The following MALRD1 variants were observed in gnomAD, a reference collection of about 807,000 sequenced individuals.
MALRD1 encodes MAM and LDL receptor class A domain containing 1, also known as MAM and LDL-receptor class A domain-containing protein 1.
Under a neutral mutation model 242.1 loss-of-function variants are expected in MALRD1, and 247 were observed. The ratio of observed to expected loss-of-function variants is 1.02; its 90% CI spans 0.92 to 1.13. The LOEUF (loss-of-function observed/expected upper bound fraction) is 1.13. MALRD1 is among the 50% of genes most tolerant of loss of function. The pLI is 0.00. For synonymous variants in MALRD1, 995 were observed against 866.6 expected (o/e 1.15, Z -2.60); for missense variants, 2,989 against 2,533.1 (o/e 1.18, Z -3.86).
intron 31 of MALRD1, among the ~76,000 whole-genome samples, chr10:19,502,270 A>G (rs1407226768): frequency 6.6e-6 from 1 of 152,090 alleles, no homozygotes; most frequent in East Asian, 1.9e-4. Context: ...TTTAAAATAT[A>G]AATAAGCAGA....
chr10:19,193,841 A>T lies in MALRD1; in HGVS notation c.1952-9887A>T, dbSNP rs926718784. Among the ~76,000 whole-genome samples the T allele has an allele frequency of 1.7e-3, 261 of 149,742 alleles. 2 individuals carry two copies. The highest frequency in any genetic ancestry group is 1.8e-3 in the Non-Finnish European group (121 of 67,562). On this transcript the variant is annotated intron_variant, in intron 14 of 39. Transcript: ENST00000454679. ...CATTAGCTTAGTCTGGGGGAAAAAA[A>T]ATATATATATATATACACACACATA...
At chr10:19,291,900 C>G (rs1841446577) in intron 21 of MALRD1, among the ~76,000 whole-genome samples, 1 of 151,716 alleles carries the variant, frequency 6.6e-6, no homozygotes, top group East Asian at 2.0e-4. Flanking sequence ...GCTTGGTCAA[C>G]TTGGTGAAAC....
intron 38 of MALRD1, among the ~76,000 whole-genome samples, chr10:19,704,273 T>C (rs1833759229): frequency 6.6e-6 from 1 of 152,166 alleles, no homozygotes; most frequent in Non-Finnish European, 1.5e-5. Context: ...CTCGGTGGTA[T>C]AAACAAGCAT....
At chr10:19,555,590 G>A (rs1254625064) in intron 32 of MALRD1, among the ~76,000 whole-genome samples, 1 of 152,164 alleles carries the variant, frequency 6.6e-6, no homozygotes, top group Non-Finnish European at 1.5e-5. Flanking sequence ...GCATAAGGAG[G>A]CAAAGAGTAG....
At chr10:19,311,606 A>T (rs551101634) in intron 21 of MALRD1, among the ~76,000 whole-genome samples, 1 of 151,662 alleles carries the variant, frequency 6.6e-6, no homozygotes, top group Admixed American at 6.6e-5. Context: ...ATAAAATTCT[A>T]AAATATGTAA....
chr10:19,605,402 A>G (rs1838562126), intron 34 of MALRD1, among the ~76,000 whole-genome samples: 1 of 151,068 alleles, frequency 6.6e-6, no homozygotes, highest in Non-Finnish European at 1.5e-5. Context: ...TCCTGACCTC[A>G]TGTGATCTGC....
chr10:19,216,102 T>TCTTTCTTA (rs943776946), intron 18 of MALRD1, among the ~76,000 whole-genome samples: 2 of 121,150 alleles, frequency 1.7e-5, no homozygotes, highest in African/African-American at 5.6e-5. Context: ...TCTACTTCTT[T>TCTTTCTTA]CTTTCTTTCT....
At chr10:19,206,032 T>G (rs1293518926) in intron 17 of MALRD1, among the ~76,000 whole-genome samples, 1 of 150,320 alleles carries the variant, frequency 6.7e-6, no homozygotes, top group East Asian at 1.9e-4. Flanking sequence ...AGTTGAATAT[T>G]ATATTTATTT....
chr10:19,453,246 A>G (rs1253471315), intron 29 of MALRD1, among the ~76,000 whole-genome samples: 1 of 152,140 alleles, frequency 6.6e-6, no homozygotes, highest in Non-Finnish European at 1.5e-5. Context: ...TTTCTGTCAC[A>G]TTTTACTGAT....
At chr10:19,269,434 C>A (rs1840103884) in intron 19 of MALRD1, among the ~76,000 whole-genome samples, 1 of 152,208 alleles carries the variant, frequency 6.6e-6, no homozygotes, top group Non-Finnish European at 1.5e-5. Flanking sequence ...TTAGAAAATA[C>A]TCTTCTAAGT....
intron 31 of MALRD1, among the ~76,000 whole-genome samples, chr10:19,509,007 CA>C (rs1425051821): frequency 2.0e-5 from 3 of 151,922 alleles, no homozygotes; most frequent in African/African-American, 4.8e-5. Context: ...CCACTTTAAG[CA>C]AAAAGTACTT....
rs535515770 is a variant in MALRD1 at position 19,167,958 on chromosome 10, A to C, written c.1830+2148A>C. On this transcript the variant is annotated intron_variant, in intron 13 of 39. Transcript: ENST00000454679. ...GAGGATTATATGGTGTGTACTTGTA[A>C]AGCACATGGAAGCAAATCTGGCACA... Among the ~76,000 whole-genome samples, 68 of 152,306 alleles carry C rather than the reference A, an allele frequency of 4.5e-4. No individual in the cohort carries two copies. The South Asian group carries it at 6.2e-3, about 14-fold the overall frequency.
chr10:19,405,522 A>G (rs988831217), intron 28 of MALRD1, among the ~76,000 whole-genome samples: 4 of 152,102 alleles, frequency 2.6e-5, no homozygotes, highest in African/African-American at 4.8e-5. Flanking sequence ...CAAAGATTCA[A>G]TGGGAGGAAA....
intron 21 of MALRD1, among the ~76,000 whole-genome samples, chr10:19,284,112 A>G (rs1588848854): frequency 6.6e-6 from 1 of 152,356 alleles, no homozygotes; most frequent in East Asian, 1.9e-4. Context: ...TGGGATAAGA[A>G]GAGCAGACTA....
At chr10:19,300,152 C>A (rs966932628) in intron 21 of MALRD1, among the ~76,000 whole-genome samples, 29 of 151,922 alleles carry the variant, frequency 1.9e-4, no homozygotes, top group African/African-American at 6.8e-4. Flanking sequence ...CCTAGGGATG[C>A]AGCTCACCAG....
chr10:19,505,851 G>A (rs1833103229), intron 31 of MALRD1, among the ~76,000 whole-genome samples: 2 of 152,140 alleles, frequency 1.3e-5, no homozygotes, highest in Admixed American at 6.5e-5. Flanking sequence ...GATAATTACA[G>A]CCTGAAAATG....
At chr10:19,578,401 A>G (rs576782931) in intron 33 of MALRD1, among the ~76,000 whole-genome samples, 8 of 152,306 alleles carry the variant, frequency 5.3e-5, no homozygotes, top group South Asian at 2.1e-4. Context: ...GATTAGAGAA[A>G]TAACCAGCTT....
At chr10:19,569,397 T>G (rs72780163) in intron 33 of MALRD1, among the ~76,000 whole-genome samples, 2,745 of 151,998 alleles carry the variant, frequency 0.018, 40 homozygotes, top group Non-Finnish European at 0.028. Flanking sequence ...TTGTGATAAA[T>G]TCCTTTAATT....
intron 13 of MALRD1, among the ~76,000 whole-genome samples, chr10:19,167,723 G>C (rs541951121): frequency 5.3e-4 from 80 of 152,264 alleles, no homozygotes; most frequent in African/African-American, 1.9e-3. Context: ...GCTCCCAATA[G>C]TGGGTGTTGA....
Sources: allele counts gnomAD v4.1 joint callset (sites outside exome capture counted in the v4.1 genomes callset), GRCh38; gene constraint gnomAD v4.1.1; transcripts MANE v1.5; gene names NCBI Gene and HGNC (gene_info 2026-07-23, HGNC 2026-07-21).